GPHN: variants seen among roughly 807,000 people sequenced by gnomAD.
GPHN encodes gephyrin.
Under a neutral mutation model 95.5 loss-of-function variants are expected in GPHN, and 17 were observed. The ratio of observed to expected loss-of-function variants is 0.18; its 90% CI spans 0.12 to 0.27. GPHN has a LOEUF of 0.27. Ranked by LOEUF, GPHN falls within the 10% of genes least tolerant of loss-of-function variation. GPHN has a pLI of 1.00. For synonymous variants in GPHN, 320 were observed against 322.5 expected (o/e 0.99, Z 0.08); for missense variants, 660 against 978.1 (o/e 0.67, Z 4.34).
chr14:67,597,791 A>C, the GPHN span, among the ~76,000 whole-genome samples: 1 of 151,490 alleles, frequency 6.6e-6, no homozygotes, highest in African/African-American at 2.4e-5. Context: ...AGCACACAGG[A>C]ATATCCCATC....
chr14:67,215,060 T>A, the GPHN span, among the ~76,000 whole-genome samples: 3 of 152,200 alleles, frequency 2.0e-5, no homozygotes, highest in Non-Finnish European at 4.4e-5. Context: ...CTTAAGGAGA[T>A]TCTGGGCTGA....
At chr14:66,601,374 A>G (rs2062234043) in intron 1 of GPHN, among the ~76,000 whole-genome samples, 3 of 152,016 alleles carry the variant, frequency 2.0e-5, no homozygotes, top group Admixed American at 2.0e-4. Context: ...GATTTCATCA[A>G]GTTGGCTTAT....
chr14:66,737,979 G>T (rs185884463), intron 2 of GPHN, among the ~76,000 whole-genome samples: 78 of 152,290 alleles, frequency 5.1e-4, no homozygotes, highest in African/African-American at 1.7e-3. Flanking sequence ...CTCTGAATTT[G>T]CTGTCACTTT....
At chr14:67,473,409 C>T in the GPHN span, 1 of 1,611,244 alleles carries the variant, frequency 6.2e-7, no homozygotes. The surrounding 1 kb of genome is among the most constrained non-coding windows in gnomAD (Gnocchi z 6.5). Context: ...GGCCCCCCAC[C>T]CGCTTCCTGC....
At chr14:67,661,739 G>A in the GPHN span, among the ~76,000 whole-genome samples, 1 of 151,618 alleles carries the variant, frequency 6.6e-6, no homozygotes, top group Non-Finnish European at 1.5e-5. Context: ...TCCCTATGTC[G>A]CCCAGGCTGG....
At chr14:67,369,816 A>T in the GPHN span, among the ~76,000 whole-genome samples, 1 of 152,094 alleles carries the variant, frequency 6.6e-6, no homozygotes, top group Non-Finnish European at 1.5e-5. Context: ...TAGAAGATAA[A>T]AGAAAGGAAA....
intron 2 of GPHN, among the ~76,000 whole-genome samples, chr14:66,739,618 C>T (rs182552396): frequency 5.3e-5 from 8 of 150,074 alleles, no homozygotes; most frequent in Admixed American, 2.0e-4. Context: ...ATAGTGCGTT[C>T]GGACAACTGA....
the GPHN span, among the ~76,000 whole-genome samples, chr14:67,268,860 C>G: frequency 6.6e-6 from 1 of 152,150 alleles, no homozygotes; most frequent in Non-Finnish European, 1.5e-5. Flanking sequence ...CTTATTTTAC[C>G]CAGCCCCTAT....
At chr14:67,603,680 GTTGT>G in the GPHN span, among the ~76,000 whole-genome samples, 13 of 152,164 alleles carry the variant, frequency 8.5e-5, no homozygotes, top group East Asian at 5.8e-4. Context: ...TGCTTTGTGG[GTTGT>G]TTGTTTGTTT....
intron 5 of GPHN, among the ~76,000 whole-genome samples, chr14:66,883,833 T>C (rs2153536030): frequency 6.6e-6 from 1 of 152,172 alleles, no homozygotes; most frequent in South Asian, 2.1e-4. Flanking sequence ...TAAAATCTTT[T>C]CTTGTACTTA....
the GPHN span, chr14:67,569,965 C>G: frequency 6.2e-7 from 1 of 1,610,042 alleles, no homozygotes; most frequent in Non-Finnish European, 8.5e-7. Context: ...TTTCTCTGGC[C>G]TGGTCTACAA....
chr14:67,227,689 A>T, the GPHN span: 27 of 152,130 alleles, frequency 1.8e-4, no homozygotes, highest in African/African-American at 6.5e-4. Flanking sequence ...AAATCTTAGG[A>T]CTCAGTACAG....
chr14:66,552,959 A>G (rs2059871536), intron 1 of GPHN, among the ~76,000 whole-genome samples: 2 of 149,994 alleles, frequency 1.3e-5, no homozygotes, highest in South Asian at 4.2e-4. Context: ...GGATTGGCTA[A>G]ACTTCTTTTT....
intron 1 of GPHN, among the ~76,000 whole-genome samples, chr14:66,536,597 T>C (rs1219485104): frequency 3.3e-5 from 5 of 152,166 alleles, no homozygotes; most frequent in Non-Finnish European, 7.4e-5. Flanking sequence ...CTCTCTCTGT[T>C]TTATTTCAAA....
At chr14:67,345,808 G>A in the GPHN span, 2 of 1,614,060 alleles carry the variant, frequency 1.2e-6, no homozygotes, top group Non-Finnish European at 1.7e-6. Flanking sequence ...CACTGCTTTG[G>A]CATAATTCCT....
intron 1 of GPHN, among the ~76,000 whole-genome samples, chr14:66,669,899 A>C (rs561636244): frequency 6.6e-6 from 1 of 152,136 alleles, no homozygotes; most frequent in South Asian, 2.1e-4. Context: ...CAAGACTAAA[A>C]TTTTTTCAGG....
chr14:66,688,616 A>G (rs1033617294), intron 2 of GPHN, among the ~76,000 whole-genome samples: 4 of 152,136 alleles, frequency 2.6e-5, no homozygotes, highest in South Asian at 2.1e-4. Context: ...ACTGTTTTCT[A>G]TATGTCGTCT....
chr14:66,752,265 A>T (rs546275196), intron 2 of GPHN, among the ~76,000 whole-genome samples: 17 of 152,060 alleles, frequency 1.1e-4, no homozygotes, highest in Non-Finnish European at 2.4e-4. Context: ...CTGGAGTAGC[A>T]CTTTTAATTT....
chr14:67,487,093 C>T, the GPHN span: 2 of 152,404 alleles, frequency 1.3e-5, no homozygotes, highest in East Asian at 3.9e-4. Context: ...GCCTCAGTGC[C>T]ATTCTCAGCA....
Sources: allele counts gnomAD v4.1 joint callset (sites outside exome capture counted in the v4.1 genomes callset), GRCh38; gene constraint gnomAD v4.1.1; non-coding constraint Gnocchi (gnomAD v3.1); transcripts MANE v1.5; gene names NCBI Gene and HGNC (gene_info 2026-07-23, HGNC 2026-07-21).